The following PHF14 variants were observed in gnomAD, a reference collection of about 807,000 sequenced individuals.
PHF14 encodes the protein PHD finger protein 14.
A neutral mutation model predicts 117.9 loss-of-function variants in PHF14; 55 were observed. The ratio of observed to expected loss-of-function variants is 0.47; its 90% CI spans 0.38 to 0.58. The LOEUF is 0.58. Among genes scored for constraint, PHF14 ranks in the 20% least tolerant of loss-of-function variants. The pLI, the probability that PHF14 is intolerant of heterozygous loss-of-function variation, is 0.00. For synonymous variants in PHF14, 409 were observed against 368.6 expected, an observed-to-expected ratio of 1.11 and a Z score of -1.26; for missense variants, 978 against 1,122.2, an observed-to-expected ratio of 0.87 and a Z score of 1.84.
intron 16 of PHF14, among the ~76,000 whole-genome samples, chr7:11,086,904 A>G (rs1670931004): frequency 6.6e-6 from 1 of 152,030 alleles, no homozygotes; most frequent in Non-Finnish European, 1.5e-5. Flanking sequence ...TTGGGTTTCT[A>G]TGGATAGTAC....
chr7:11,054,032 A>G (rs1362287316), intron 14 of PHF14, among the ~76,000 whole-genome samples: 2 of 152,124 alleles, frequency 1.3e-5, no homozygotes, highest in Non-Finnish European at 2.9e-5. Context: ...CCAAAAAAAA[A>G]AAATCCTAAT....
intron 5 of PHF14, among the ~76,000 whole-genome samples, chr7:11,022,576 A>G (rs1039731349): frequency 6.6e-6 from 1 of 152,180 alleles, no homozygotes; most frequent in Admixed American, 6.5e-5. Flanking sequence ...TTAAGAATAG[A>G]TAAGTGCAAA....
chr7:10,986,157 T>TC (rs1273839748), intron 3 of PHF14, among the ~76,000 whole-genome samples: 1 of 151,288 alleles, frequency 6.6e-6, no homozygotes, highest in East Asian at 1.9e-4. Context: ...GATTTTTTTT[T>TC]TTTTTTTGTA....
At chr7:11,041,774 T>G (rs1784512652) in intron 12 of PHF14, among the ~76,000 whole-genome samples, 1 of 151,916 alleles carries the variant, frequency 6.6e-6, no homozygotes, top group African/African-American at 2.4e-5. Context: ...CTACAATTCA[T>G]TTTTGTTTCA....
At chr7:11,021,041 A>T (rs1583376450) in intron 5 of PHF14, among the ~76,000 whole-genome samples, 1 of 152,246 alleles carries the variant, frequency 6.6e-6, no homozygotes, top group East Asian at 1.9e-4. Flanking sequence ...TTACTGATAC[A>T]GAGCACTTCA....
rs967079642 is a variant in PHF14 at position 11,106,988 on chromosome 7, A to G, written c.2655-4362A>G. 17 of 982,948 alleles carry G rather than the reference A, an allele frequency of 1.7e-5. No individual in the cohort carries two copies. In the Admixed American group the frequency reaches 5.6e-4, roughly 32 times the overall value. 60.9% of individuals were successfully genotyped at this position (982,948 alleles called of 1,614,324 possible). On this transcript the variant is annotated intron_variant, in intron 16 of 17. Coordinates refer to ENST00000634607, the MANE Select transcript of PHF14 (RefSeq NM_001007157.2). Reference sequence around the variant, plus strand: ...AAAATGTACATCCTTGTTCAAGTCTATGTTATGGATTTTGCTTCTTTCTAA... The same window carrying G: ...AAAATGTACATCCTTGTTCAAGTCTGTGTTATGGATTTTGCTTCTTTCTAA...
At chr7:11,008,728 A>G (rs1245921874) in intron 4 of PHF14, among the ~76,000 whole-genome samples, 1 of 152,118 alleles carries the variant, frequency 6.6e-6, no homozygotes, top group Non-Finnish European at 1.5e-5. Flanking sequence ...CTCGTAAACA[A>G]TATTACTCAT....
intron 17 of PHF14, among the ~76,000 whole-genome samples, chr7:11,148,395 G>C (rs566849314): frequency 6.6e-6 from 1 of 152,054 alleles, no homozygotes; most frequent in African/African-American, 2.4e-5. Context: ...CGTTGCCCTT[G>C]TTCCCTGTGC....
intron 16 of PHF14, chr7:11,109,070 A>G (rs566218467): frequency 6.6e-6 from 1 of 151,940 alleles, no homozygotes; most frequent in South Asian, 2.1e-4. Context: ...TAACAAACAA[A>G]ATTGAGCCCA....
intron 16 of PHF14, among the ~76,000 whole-genome samples, chr7:11,074,937 CTT>C (rs751367742): frequency 4.5e-4 from 59 of 132,338 alleles, no homozygotes; most frequent in East Asian, 6.5e-4. Flanking sequence ...TTTCAGATAT[CTT>C]TTTTTTTTTT....
rs1789177010 is a variant in PHF14, at chr7:11,165,556, G to A, written c.2773-3860G>A. Among the ~76,000 whole-genome samples, 3 of 152,120 alleles carry A rather than the reference G, an allele frequency of 2.0e-5. No individual in the cohort carries two copies. In the South Asian group the frequency reaches 6.2e-4, roughly 31 times the overall value. On this transcript the variant is annotated intron_variant, in intron 17 of 17. Coordinates refer to ENST00000634607, the MANE Select transcript of PHF14 (RefSeq NM_001007157.2). ...TTTAAGAAATCTTTTAAACTTGGCA[G>A]TCTACAAGGTAAACAAAGTTATCTG... is the stretch of plus-strand genomic sequence containing the variant.
chr7:11,002,316 T>TA (rs146703433), intron 4 of PHF14, among the ~76,000 whole-genome samples: 2,039 of 152,190 alleles, frequency 0.013, 46 homozygotes, highest in African/African-American at 0.047. Context: ...TGCTGGAGCT[T>TA]AGACAGCCAC....
intron 9 of PHF14, 137 bp from the exon 10 acceptor site, chr7:11,036,848 A>G (rs1583397081): frequency 1.1e-6 from 1 of 926,220 alleles, no homozygotes; most frequent in African/African-American, 1.7e-5. Context: ...ACAAAATGCT[A>G]GGTTCATTTA....
At chr7:11,064,921 A>G (rs934032492) in intron 16 of PHF14, among the ~76,000 whole-genome samples, 4 of 152,060 alleles carry the variant, frequency 2.6e-5, no homozygotes, top group African/African-American at 9.7e-5. Context: ...TCCATATAAA[A>G]TGTTAGAACA....
chr7:11,142,760 A>G (rs1032122613), intron 17 of PHF14, among the ~76,000 whole-genome samples: 5 of 152,164 alleles, frequency 3.3e-5, no homozygotes, highest in Non-Finnish European at 7.4e-5. Flanking sequence ...CTAAGATGCA[A>G]TAAAATACAA....
chr7:11,092,915 C>A (rs972418556), intron 16 of PHF14, among the ~76,000 whole-genome samples: 2 of 152,104 alleles, frequency 1.3e-5, no homozygotes, highest in African/African-American at 4.8e-5. Flanking sequence ...TTTTTTTCCC[C>A]CTAATAGTGA....
At chr7:11,055,278 A>G (rs1161883002) in intron 14 of PHF14, among the ~76,000 whole-genome samples, 1 of 152,080 alleles carries the variant, frequency 6.6e-6, no homozygotes, top group African/African-American at 2.4e-5. Flanking sequence ...TTGTGGACAT[A>G]TTTTCTAATA....
At chr7:11,079,745 C>A (rs1786005137) in intron 16 of PHF14, among the ~76,000 whole-genome samples, 1 of 151,548 alleles carries the variant, frequency 6.6e-6, no homozygotes, top group African/African-American at 2.4e-5. Flanking sequence ...TGTATGCTAA[C>A]TGTGATATAC....
chr7:11,114,796 A>G (rs1787551703), intron 17 of PHF14, among the ~76,000 whole-genome samples: 1 of 152,030 alleles, frequency 6.6e-6, no homozygotes, highest in African/African-American at 2.4e-5. Flanking sequence ...CATACACAAA[A>G]CATACCTTCT....
Sources: allele counts gnomAD v4.1 joint callset (sites outside exome capture counted in the v4.1 genomes callset), GRCh38; gene constraint gnomAD v4.1.1; transcripts MANE v1.5; gene names NCBI Gene and HGNC (gene_info 2026-07-23, HGNC 2026-07-21).